Variants in TSNARE1 observed in about 807,000 individuals in gnomAD.
The protein encoded by TSNARE1 is t-SNARE domain containing 1.
A neutral mutation model predicts 62.0 loss-of-function variants in TSNARE1; 49 were observed. That is an observed-to-expected ratio of 0.79 (90% CI 0.63 to 1.00). The LOEUF is 1.00. TSNARE1 is among the 50% of genes least tolerant of loss of function. TSNARE1 has a pLI of 0.00. For missense variants in TSNARE1, 755 were observed against 700.1 expected, an observed-to-expected ratio of 1.08 and a Z score of -0.88; for synonymous variants, 328 against 294.4, an observed-to-expected ratio of 1.11 and a Z score of -1.17.
At chr8:142,311,683 C>G (rs961382553) in intron 9 of TSNARE1, among the ~76,000 whole-genome samples, 4 of 152,148 alleles carry the variant, frequency 2.6e-5, no homozygotes, top group African/African-American at 9.7e-5. Flanking sequence ...TTGGAAAACT[C>G]TCAATCGTTA....
intron 10 of TSNARE1, among the ~76,000 whole-genome samples, chr8:142,287,563 C>A (rs1328177837): frequency 7.1e-6 from 1 of 140,310 alleles, no homozygotes; most frequent in Non-Finnish European, 1.5e-5. Context: ...GGATGTGGAA[C>A]CCAGGACCCC....
intron 12 of TSNARE1, among the ~76,000 whole-genome samples, chr8:142,266,090 A>G (rs532919440): frequency 6.6e-6 from 1 of 152,316 alleles, no homozygotes; most frequent in South Asian, 2.1e-4. Context: ...GAGCTTTTTT[A>G]TGATGTACAG....
At chr8:142,224,967 C>G (rs1816705819) in intron 13 of TSNARE1, among the ~76,000 whole-genome samples, 1 of 152,128 alleles carries the variant, frequency 6.6e-6, no homozygotes, top group Non-Finnish European at 1.5e-5. Flanking sequence ...CCTTCCCCAC[C>G]TGAGCCTGCA....
At chr8:142,257,746 C>T (rs1818656060) in intron 12 of TSNARE1, among the ~76,000 whole-genome samples, 1 of 152,062 alleles carries the variant, frequency 6.6e-6, no homozygotes, top group African/African-American at 2.4e-5. Flanking sequence ...GGGTGCTACT[C>T]TTCCTCTACC....
chr8:142,351,001 T>C lies in TSNARE1; in HGVS notation c.88+3636A>G, dbSNP rs11996991. ...GCAGGTCGGGTATGGCAGCCAAACG[T>C]GCTGTCACAGTGGAAATCTGGTCAC... On this transcript the variant is annotated intron_variant, in intron 2 of 13. Transcript: ENST00000524325. Among the ~76,000 whole-genome samples, 917 of 152,338 alleles carry C rather than the reference T, an allele frequency of 6.0e-3. 10 individuals carry two copies. The highest frequency in any genetic ancestry group is 0.021 in the African/African-American group (860 of 41,570).
rs183255457 is a variant in TSNARE1, at chr8:142,214,963, C to A, written c.*12-2650G>T. On this transcript the variant is annotated intron_variant, in intron 13 of 13. Coordinates refer to ENST00000524325, the MANE Select transcript of TSNARE1 (RefSeq NM_145003.5). ...ACAGCAGCTGAGCTGATAAGGACCC[C>A]TCACCGACAAGGGCTCCCTCCCCCA... Among the ~76,000 whole-genome samples the A allele has an allele frequency of 7.6e-3, 1,150 of 152,312 alleles. 13 individuals are homozygous for A. The highest frequency in any genetic ancestry group is 0.026 in the African/African-American group (1,093 of 41,572).
intron 12 of TSNARE1, among the ~76,000 whole-genome samples, chr8:142,234,507 C>T (rs1375565283): frequency 6.6e-6 from 1 of 151,950 alleles, no homozygotes; most frequent in Non-Finnish European, 1.5e-5. Flanking sequence ...TCCATGACCC[C>T]AACCATGGGT....
At chr8:142,268,553 A>G (rs1297000845) in intron 12 of TSNARE1, among the ~76,000 whole-genome samples, 1 of 152,224 alleles carries the variant, frequency 6.6e-6, no homozygotes. Flanking sequence ...CCAGCTTGGC[A>G]GATTGCACGC....
chr8:142,345,598 G>T, intron 3 of TSNARE1, 145 bp downstream of exon 3: 1 of 977,966 alleles, frequency 1.0e-6, no homozygotes, highest in Non-Finnish European at 1.5e-6. Flanking sequence ...GGAAGGCCTG[G>T]CAGGGGGCAG....
At chr8:142,393,209 C>T (rs28586904) in intron 1 of TSNARE1, among the ~76,000 whole-genome samples, 30,705 of 152,154 alleles carry the variant, frequency 0.2, 3,215 homozygotes, top group East Asian at 0.28. Context: ...ATCCGGGGAA[C>T]GATGGCGAAT....
Position 142,344,415 on chromosome 8 carries a change from A to G in TSNARE1, c.296T>C (p.Ile99Thr), listed in dbSNP as rs779580364. The G allele has an allele frequency of 5.7e-6, 9 of 1,588,532 alleles. No homozygotes were observed. The highest frequency in any genetic ancestry group is 3.6e-5 in the Admixed American group (2 of 55,292). ...RMPEPTSSPT[I>T]GPRKDSAAGP... ...AGCAGCCGAGTCCTTCCTCGGGCCA[A>G]TGGTGGGTGATGAGGTGGGCTCCGG... Residue 99 changes from isoleucine (I) to threonine (T), a missense_variant, in exon 4 of 14, where the codon ATT becomes ACT. Transcript: ENST00000524325.
At chr8:142,348,248 G>A (rs774827404) in intron 2 of TSNARE1, among the ~76,000 whole-genome samples, 3 of 152,260 alleles carry the variant, frequency 2.0e-5, no homozygotes, top group Non-Finnish European at 2.9e-5. Flanking sequence ...ATCACAGAAC[G>A]TGCGCGGGTC....
At chr8:142,276,986 G>A (rs1167178966) in intron 11 of TSNARE1, 1 of 985,466 alleles carries the variant, frequency 1.0e-6, no homozygotes, top group Non-Finnish European at 1.2e-6. Flanking sequence ...AGGGGAGGGG[G>A]GCTGCTCCCG....
chr8:142,271,111 GATC>G, intron 12 of TSNARE1: 1 of 986,142 alleles, frequency 1.0e-6, no homozygotes, highest in Non-Finnish European at 1.2e-6. Flanking sequence ...CCACCTTCAA[GATC>G]ATCCCTGAGA....
intron 1 of TSNARE1, among the ~76,000 whole-genome samples, chr8:142,387,226 T>C (rs1486246446): frequency 6.6e-6 from 1 of 151,996 alleles, no homozygotes; most frequent in Non-Finnish European, 1.5e-5. Context: ...AAAAAGAAAA[T>C]ACAAACCAAA....
At chr8:142,368,261 A>G (rs1835690207) in intron 1 of TSNARE1, among the ~76,000 whole-genome samples, 1 of 152,140 alleles carries the variant, frequency 6.6e-6, no homozygotes, top group South Asian at 2.1e-4. Context: ...ACAGGGAAAC[A>G]AACAAAAAAA....
At chr8:142,261,758 G>T (rs1220221400) in intron 12 of TSNARE1, among the ~76,000 whole-genome samples, 1 of 152,158 alleles carries the variant, frequency 6.6e-6, no homozygotes, top group Non-Finnish European at 1.5e-5. Flanking sequence ...GCAGCTCACG[G>T]GCATAGAGGG....
At chr8:142,318,819 A>C (rs527799463) in intron 6 of TSNARE1, among the ~76,000 whole-genome samples, 185 bp from the exon 7 acceptor site, 2 of 152,066 alleles carry the variant, frequency 1.3e-5, no homozygotes, top group African/African-American at 4.8e-5. Flanking sequence ...GAGGAAAACA[A>C]GAGTAGGGAA....
In TSNARE1 at chr8:142,344,369, C is replaced by T. The variant is rs1207012034; in HGVS notation, c.342G>A (p.Ala114=). The change falls in exon 4 of 14, where the codon GCG becomes GCA. Residue 114 remains alanine, a synonymous_variant. Coordinates refer to ENST00000524325, the MANE Select transcript of TSNARE1 (RefSeq NM_145003.5). ...TCTTGGCCCGGGTAGTGCTGGGCCC[C>T]GCCATCCGGCCATGGGGCCCAGCAG... ...DSAAGPHGRM[A]GPSTTRAKKR... 4 of 1,569,638 alleles carry T rather than the reference C, an allele frequency of 2.5e-6. No individual in the cohort carries two copies. Among genetic ancestry groups the T allele is most frequent in the Non-Finnish European group, 3.4e-6 (4 of 1,162,108 alleles).
Sources: allele counts gnomAD v4.1 joint callset (sites outside exome capture counted in the v4.1 genomes callset), GRCh38; gene constraint gnomAD v4.1.1; transcripts MANE v1.5; gene names NCBI Gene and HGNC (gene_info 2026-07-23, HGNC 2026-07-21).